IL1RN: variants seen among roughly 807,000 people sequenced by gnomAD.
IL1RN encodes interleukin-1 receptor antagonist protein.
IL1RN carries 10 observed loss-of-function variants against 13.7 expected under a neutral mutation model. The observed-to-expected ratio is 0.73, with a 90% CI of 0.45 to 1.24. The LOEUF (loss-of-function observed/expected upper bound fraction) is 1.24. Among genes scored for constraint, IL1RN ranks in the 50% most tolerant of loss-of-function variants. The pLI is 0.00. For synonymous variants in IL1RN, 102 were observed against 82.7 expected, an observed-to-expected ratio of 1.23 and a Z score of -1.27; for missense variants, 213 against 222.1, an observed-to-expected ratio of 0.96 and a Z score of 0.26.
At chr2:113,118,603 C>A (rs4251976) in intron 1 of IL1RN, among the ~76,000 whole-genome samples, 31,807 of 152,088 alleles carry the variant, frequency 0.21, 4,072 homozygotes, top group South Asian at 0.28. Flanking sequence ...CTGATTAAAC[C>A]AGACAATAAA....
chr2:113,132,091 G>T (rs1687189887), intron 3 of IL1RN, among the ~76,000 whole-genome samples: 1 of 152,216 alleles, frequency 6.6e-6, no homozygotes, highest in Non-Finnish European at 1.5e-5. Flanking sequence ...GGCCAGAGTG[G>T]CCAGATTTCC....
rs903390760 is a variant in IL1RN, at chr2:113,133,243, T to G, written c.*372T>G. 19 of 356,014 alleles carry G rather than the reference T, an allele frequency of 5.3e-5. No homozygotes were observed. Among genetic ancestry groups the G allele is most frequent in the Non-Finnish European group, 1.0e-4 (19 of 184,978 alleles). The allele number at this position is 356,014 out of a possible 1,614,324, so 22.1% of individuals were successfully genotyped here. ...GCCCTGGATCCATCAGGCCACTTGA[T>G]GACCCCCAACCAAGTGGCTCCCACA... On this transcript the variant is annotated 3_prime_UTR_variant, in exon 4 of 4. Transcript: ENST00000409930.
chr2:113,110,357 C>T (rs187661647), upstream of IL1RN, among the ~76,000 whole-genome samples: 34 of 152,272 alleles, frequency 2.2e-4, no homozygotes, highest in East Asian at 6.4e-3. Context: ...TGTGGGCTTG[C>T]TATCCTAGCT....
At chr2:113,105,880 A>T (rs1686378726), upstream of IL1RN, among the ~76,000 whole-genome samples, 2 of 152,228 alleles carry the variant, frequency 1.3e-5, no homozygotes, top group African/African-American at 4.8e-5. Context: ...CTGAAATGAA[A>T]TTAGTTGATC....
upstream of IL1RN, among the ~76,000 whole-genome samples, chr2:113,115,201 T>C (rs911022886): frequency 1.3e-5 from 2 of 152,188 alleles, no homozygotes; most frequent in Non-Finnish European, 2.9e-5. Flanking sequence ...TGACCTTGTG[T>C]GTCTAAGCTA....
At chr2:113,105,892 A>G (rs186798548), upstream of IL1RN, among the ~76,000 whole-genome samples, 99 of 152,358 alleles carry the variant, frequency 6.5e-4, 1 homozygote, top group Middle Eastern at 0.014. Flanking sequence ...TAGTTGATCA[A>G]AAGATGAGTA....
chr2:113,125,930 C>T (rs186133290), upstream of IL1RN, among the ~76,000 whole-genome samples: 11 of 152,322 alleles, frequency 7.2e-5, no homozygotes, highest in African/African-American at 2.6e-4. Context: ...TCCCGAGTAG[C>T]TGGGATTACA....
intron 1 of IL1RN, chr2:113,118,112 G>C: frequency 1.2e-6 from 2 of 1,607,486 alleles, no homozygotes; most frequent in African/African-American, 1.3e-5. Flanking sequence ...ATGCTTTCAG[G>C]CTCTGGTGAG....
chr2:113,120,272 A>G (rs1239818619), intron 2 of IL1RN: 4 of 745,156 alleles, frequency 5.4e-6, no homozygotes, highest in African/African-American at 1.7e-5. Context: ...TTACTAATAT[A>G]TCTGCAATGG....
chr2:113,110,244 G>A (rs368387149), upstream of IL1RN, among the ~76,000 whole-genome samples: 1 of 152,150 alleles, frequency 6.6e-6, no homozygotes, highest in Non-Finnish European at 1.5e-5. Context: ...TCAAATCCCA[G>A]GTCCTACTCT....
At chr2:113,131,289 G>C in intron 3 of IL1RN, 132 bp downstream of exon 3, 1 of 705,810 alleles carries the variant, frequency 1.4e-6, no homozygotes, top group Non-Finnish European at 2.6e-6. Flanking sequence ...GAACATGCTG[G>C]GGTCACTTTG....
upstream of IL1RN, among the ~76,000 whole-genome samples, chr2:113,115,179 A>G (rs1442107109): frequency 6.6e-6 from 1 of 152,194 alleles, no homozygotes; most frequent in African/African-American, 2.4e-5. Flanking sequence ...TCAAACCTCA[A>G]ATCCCTTGCT....
upstream of IL1RN, among the ~76,000 whole-genome samples, chr2:113,125,706 A>G (rs777584356): frequency 3.3e-5 from 5 of 152,246 alleles, no homozygotes; most frequent in Non-Finnish European, 7.3e-5. Context: ...CATCAAGATC[A>G]ACTGCTGTAG....
chr2:113,119,653 C>T (rs1350648940), intron 1 of IL1RN, among the ~76,000 whole-genome samples: 1 of 152,200 alleles, frequency 6.6e-6, no homozygotes, highest in Non-Finnish European at 1.5e-5. Context: ...GATACCAATA[C>T]ATTGTGAAGA....
chr2:113,109,772 A>AG (rs1346194300), upstream of IL1RN, among the ~76,000 whole-genome samples: 2 of 152,080 alleles, frequency 1.3e-5, no homozygotes, highest in African/African-American at 2.4e-5. Flanking sequence ...GCAAAAAAAA[A>AG]AAAAACCTCA....
upstream of IL1RN, among the ~76,000 whole-genome samples, chr2:113,116,847 C>T (rs550699958): frequency 2.0e-5 from 3 of 152,204 alleles, no homozygotes; most frequent in Non-Finnish European, 4.4e-5. Flanking sequence ...GCGTGTCATT[C>T]ATGCTTCCGG....
chr2:113,113,536 T>C (rs535137781), upstream of IL1RN, among the ~76,000 whole-genome samples: 4 of 152,278 alleles, frequency 2.6e-5, no homozygotes, highest in East Asian at 7.7e-4. Flanking sequence ...AATACTGTAT[T>C]GTATACTTAA....
At chr2:113,099,835 C>T in the IL1RN span, among the ~76,000 whole-genome samples, 8 of 144,276 alleles carry the variant, frequency 5.5e-5, no homozygotes, top group South Asian at 8.9e-4. Context: ...CCCGGGTTCA[C>T]GCCCTTCTCC....
chr2:113,112,227 G>A (rs190608500), intron 1 of IL1RN, among the ~76,000 whole-genome samples: 34 of 152,304 alleles, frequency 2.2e-4, no homozygotes, highest in Admixed American at 1.4e-3. Context: ...CATTTGGGGC[G>A]GAGCTTCCGA....
Sources: gnomAD v4.1 joint callset for allele counts (sites outside exome capture counted in the v4.1 genomes callset) on GRCh38, gnomAD v4.1.1 for gene constraint, MANE v1.5 for transcripts, NCBI Gene and HGNC (gene_info 2026-07-23, HGNC 2026-07-21) for gene names.